COL4A1: variants seen among roughly 807,000 people sequenced by gnomAD.
COL4A1 encodes collagen alpha-1(IV) chain.
Under a neutral mutation model 216.6 loss-of-function variants are expected in COL4A1, and 40 were observed. That is an observed-to-expected ratio of 0.18 (90% CI 0.14 to 0.24). COL4A1 has a LOEUF of 0.24. COL4A1 is among the 10% of genes least tolerant of loss of function. COL4A1 has a pLI of 1.00. For missense variants in COL4A1, 1,628 were observed against 2,196.8 expected (o/e 0.74, Z 5.18); for synonymous variants, 839 against 810.7 (o/e 1.03, Z -0.59).
At chr13:110,163,403 G>A in intron 47 of COL4A1, 60 bp downstream of exon 47, 1 of 1,472,028 alleles carries the variant, frequency 6.8e-7, no homozygotes, top group Non-Finnish European at 9.5e-7. Flanking sequence ...GCCTGGTTCT[G>A]CTCCTTCTAT....
In COL4A1 at chr13:110,161,213, T is replaced by C. The variant is rs1877068892; in HGVS notation, c.4619A>G (p.Asn1540Ser). Reference sequence around the variant, plus strand: ...TCACCTACTAATAAATGGTCTTATGTTTTCCCCCGTGATGGGTGCCATTGA... The same window carrying C: ...TCACCTACTAATAAATGGTCTTATGCTTTCCCCCGTGATGGGTGCCATTGA... ...PMSMAPITGE[N>S]IRPFISRCAV... Residue 1540 changes from asparagine (N) to serine (S), a missense_variant, in exon 49 of 52, where the codon AAC becomes AGC. Coordinates refer to ENST00000375820, the MANE Select transcript of COL4A1 (RefSeq NM_001845.6). 1 of 1,614,194 alleles carries C rather than the reference T, an allele frequency of 6.2e-7. No homozygotes were observed. Among genetic ancestry groups the C allele is most frequent in the Non-Finnish European group, 8.5e-7 (1 of 1,180,024 alleles).
chr13:110,246,988 C>G (rs1475916899), intron 1 of COL4A1, among the ~76,000 whole-genome samples: 1 of 152,114 alleles, frequency 6.6e-6, no homozygotes, highest in Non-Finnish European at 1.5e-5. Flanking sequence ...GGGTCTCGGT[C>G]TCTCTTATAA....
chr13:110,156,314 A>T (rs924619261), intron 49 of COL4A1, among the ~76,000 whole-genome samples: 2 of 152,262 alleles, frequency 1.3e-5, no homozygotes, highest in African/African-American at 4.8e-5. Flanking sequence ...CTCCTTCTGG[A>T]ATGCAACAGT....
chr13:110,162,359 C>T lies in COL4A1; in HGVS notation c.4333G>A (p.Gly1445Ser), dbSNP rs752572653. 5.6e-6 allele frequency: 9 copies of T among 1,614,062 alleles called. No individual in the cohort carries two copies. The Admixed American group carries it at 6.7e-5, about 12-fold the overall frequency. Reference protein sequence around the residue: ...GPPGTPSVDHGFLVTRHSQTI... With the variant: ...GPPGTPSVDHSFLVTRHSQTI... ...TGACTATGCCTGGTCACAAGGAAGCCGTGATCAACAGATGGGGTGCCTGGG... is the reference window on the plus strand; with the variant it reads ...TGACTATGCCTGGTCACAAGGAAGCTGTGATCAACAGATGGGGTGCCTGGG... Residue 1445 changes from glycine to serine, a missense_variant, in exon 48 of 52, where the codon GGC becomes AGC. By Grantham distance (56) the Gly-to-Ser change is moderately conservative (BLOSUM62 0). Transcript: ENST00000375820.
At chr13:110,245,915 G>C (rs1388823597) in intron 1 of COL4A1, among the ~76,000 whole-genome samples, 2 of 152,108 alleles carry the variant, frequency 1.3e-5, no homozygotes, top group African/African-American at 4.8e-5. Flanking sequence ...CCCGACCCCG[G>C]CCTTCCCCCA....
At chr13:110,163,894 G>T (rs2139147940) in intron 46 of COL4A1, among the ~76,000 whole-genome samples, 1 of 151,964 alleles carries the variant, frequency 6.6e-6, no homozygotes, top group East Asian at 1.9e-4. Flanking sequence ...ATATACTGGG[G>T]TCTCAATTTT....
intron 2 of COL4A1, among the ~76,000 whole-genome samples, chr13:110,240,451 C>G (rs1157138704): frequency 6.6e-6 from 1 of 152,228 alleles, no homozygotes; most frequent in African/African-American, 2.4e-5. Context: ...CTGTAGGAAG[C>G]TGGCATGGAG....
intron 50 of COL4A1, among the ~76,000 whole-genome samples, chr13:110,152,748 C>G (rs1876568731): frequency 6.6e-6 from 1 of 152,338 alleles, no homozygotes; most frequent in African/African-American, 2.4e-5. Flanking sequence ...TGGCTGCTTC[C>G]CAAATAGGTG....
intron 1 of COL4A1, among the ~76,000 whole-genome samples, chr13:110,252,519 C>T (rs867244787): frequency 4.9e-4 from 4 of 8,216 alleles, no homozygotes; most frequent in African/African-American, 7.5e-4. Flanking sequence ...ATTATATATA[C>T]GTATAATTAT....
At position 110,186,449 on chromosome 13, in the gene COL4A1, A is replaced by T. The variant is rs1456446835; in HGVS notation, c.1833T>A (p.Ala611=). The change falls in exon 26 of 52, where the codon GCT becomes GCA. Residue 611 remains alanine (A), a synonymous_variant. Transcript: ENST00000375820. ...GPPGPPGYGP[A]GPIGDKGQAG... ...CTTGTCCTTTGTCACCAATGGGACC[A>T]GCAGGACCATATCCTGGAGGCCCAG... The T allele has an allele frequency of 2.5e-6, 4 of 1,613,716 alleles. No individual in the cohort carries two copies. The highest frequency in any genetic ancestry group is 3.4e-6 in the Non-Finnish European group (4 of 1,180,022).
At chr13:110,217,307 AG>A (rs1383514934) in intron 2 of COL4A1, among the ~76,000 whole-genome samples, 1 of 152,166 alleles carries the variant, frequency 6.6e-6, no homozygotes, top group Non-Finnish European at 1.5e-5. Flanking sequence ...TGTTGTGCAA[AG>A]GTTATTGGAG....
At chr13:110,200,996 TG>T in intron 19 of COL4A1, 107 bp from the exon 20 acceptor site, 1 of 1,228,700 alleles carries the variant, frequency 8.1e-7, no homozygotes, top group Non-Finnish European at 1.2e-6. Context: ...TAAGTGTCCA[TG>T]GCCAAAGGGA....
chr13:110,232,745 C>T (rs192092510), intron 2 of COL4A1, among the ~76,000 whole-genome samples: 31 of 152,194 alleles, frequency 2.0e-4, no homozygotes, highest in African/African-American at 7.0e-4. Flanking sequence ...ATGTGATCTG[C>T]CATTCGAGAT....
chr13:110,208,805 T>C, intron 12 of COL4A1, 44 bp downstream of exon 12: 1 of 1,593,820 alleles, frequency 6.3e-7, no homozygotes, highest in Non-Finnish European at 8.6e-7. Flanking sequence ...AGGTGAGGAC[T>C]GTGGTTTTCA....
intron 1 of COL4A1, among the ~76,000 whole-genome samples, chr13:110,263,251 C>T (rs1156602338): frequency 2.6e-5 from 4 of 152,164 alleles, no homozygotes; most frequent in Admixed American, 2.6e-4. Context: ...TGTCACACCC[C>T]TCATGAAATA....
intron 25 of COL4A1, 59 bp from the exon 26 acceptor site, chr13:110,186,612 A>T: frequency 6.3e-7 from 1 of 1,595,842 alleles, no homozygotes; most frequent in Non-Finnish European, 8.6e-7. Context: ...CCCTGTCCTT[A>T]TCGCATTCTT....
At chr13:110,191,369 G>A (rs1878618398) in intron 24 of COL4A1, 1 of 289,026 alleles carries the variant, frequency 3.5e-6, no homozygotes. Flanking sequence ...AAGAAAAAAA[G>A]GAATGAAAGG....
At position 110,152,521 on chromosome 13, in the gene COL4A1, C is replaced by A; in HGVS notation, c.4756-15G>T. 2 of 1,603,406 alleles carry A rather than the reference C, an allele frequency of 1.2e-6. No individual in the cohort carries two copies. The highest frequency in any genetic ancestry group is 1.7e-6 in the Non-Finnish European group (2 of 1,178,028). On this transcript the variant is annotated splice_polypyrimidine_tract_variant and intron_variant, in intron 50 of 51. Coordinates refer to ENST00000375820, the MANE Select transcript of COL4A1 (RefSeq NM_001845.6). ...GCGCTGGTGTGCTGCAGAACAGATGCGAGCCGTGAGTCAGAGGTTCCCTCC... is the reference window on the plus strand; with the variant it reads ...GCGCTGGTGTGCTGCAGAACAGATGAGAGCCGTGAGTCAGAGGTTCCCTCC...
intron 1 of COL4A1, among the ~76,000 whole-genome samples, chr13:110,249,024 T>G (rs1881960737): frequency 6.6e-6 from 1 of 151,940 alleles, no homozygotes; most frequent in Admixed American, 6.6e-5. Context: ...AAAATGGCTC[T>G]CCCCAGCTCC....
Sources: gnomAD v4.1 joint callset for allele counts (sites outside exome capture counted in the v4.1 genomes callset) on GRCh38, gnomAD v4.1.1 for gene constraint, MANE v1.5 for transcripts, NCBI Gene and HGNC (gene_info 2026-07-23, HGNC 2026-07-21) for gene names.